SLC16A7: variants seen among roughly 807,000 people sequenced by gnomAD.
SLC16A7 encodes monocarboxylate transporter 2.
Under a neutral mutation model 34.9 loss-of-function variants are expected in SLC16A7, and 33 were observed. That is an observed-to-expected ratio of 0.94 (90% CI 0.72 to 1.26). The LOEUF is 1.26. SLC16A7 is among the 50% of genes most tolerant of loss of function. The pLI is 0.00. For synonymous variants in SLC16A7, 201 were observed against 206.6 expected (o/e 0.97, Z 0.23); for missense variants, 573 against 578.1 (o/e 0.99, Z 0.09).
At chr12:59,675,609 T>C (rs542174264) in intron 2 of SLC16A7, among the ~76,000 whole-genome samples, 3 of 152,190 alleles carry the variant, frequency 2.0e-5, no homozygotes, top group African/African-American at 7.2e-5. Context: ...AAAAGGAAAA[T>C]GTTAAAAGAG....
intron 1 of SLC16A7, among the ~76,000 whole-genome samples, chr12:59,605,192 G>A (rs1878879846): frequency 6.6e-6 from 1 of 152,132 alleles, no homozygotes; most frequent in South Asian, 2.1e-4. Flanking sequence ...GTTTGGGTCT[G>A]TTACAACATA....
Position 59,788,477 on chromosome 12 carries a change from A to G in SLC16A7, c.*8798A>G, listed in dbSNP as rs1883772986. On this transcript the variant is annotated 3_prime_UTR_variant, in exon 6 of 6. Transcript: ENST00000547379. ...ACTATGGTTACTATGATAGTGAAAT[A>G]AAGAGGATAGTTTTGCTTGACACCT... 6.6e-6 allele frequency: 1 copy of G among 152,094 alleles called. No individual in the cohort carries two copies. Among genetic ancestry groups the G allele is most frequent in the African/African-American group, 2.4e-5 (1 of 41,450 alleles). 9.4% of individuals were successfully genotyped at this position (152,094 alleles called of 1,614,324 possible).
At chr12:59,672,100 C>A (rs56312479) in intron 2 of SLC16A7, among the ~76,000 whole-genome samples, 1,758 of 1,776 alleles carry the variant, frequency 0.99, 870 homozygotes, top group East Asian at 1. Context: ...TCGCATATAT[C>A]CGTATATATA....
intron 3 of SLC16A7, among the ~76,000 whole-genome samples, chr12:59,749,214 G>A (rs1488933408): frequency 6.6e-6 from 1 of 152,184 alleles, no homozygotes; most frequent in Non-Finnish European, 1.5e-5. Context: ...TTATGATTAG[G>A]ACTGCCCTTA....
At chr12:59,695,628 A>G (rs1237298197) in intron 2 of SLC16A7, among the ~76,000 whole-genome samples, 1 of 152,042 alleles carries the variant, frequency 6.6e-6, no homozygotes, top group African/African-American at 2.4e-5. Flanking sequence ...TAGAAACGTC[A>G]TTTGACCTGG....
At chr12:59,676,604 C>A (rs1870334117) in intron 2 of SLC16A7, among the ~76,000 whole-genome samples, 1 of 151,904 alleles carries the variant, frequency 6.6e-6, no homozygotes, top group Non-Finnish European at 1.5e-5. Flanking sequence ...AAATAGAGAA[C>A]AATAAATCGC....
chr12:59,714,730 A>C (rs944037019), intron 3 of SLC16A7, among the ~76,000 whole-genome samples: 1 of 151,940 alleles, frequency 6.6e-6, no homozygotes, highest in Non-Finnish European at 1.5e-5. Context: ...ATGCCCAGCA[A>C]ATTTTTGTAT....
chr12:59,628,350 T>C (rs1668258135), intron 1 of SLC16A7, among the ~76,000 whole-genome samples: 2 of 151,884 alleles, frequency 1.3e-5, no homozygotes, highest in African/African-American at 4.8e-5. Context: ...CTCAGTTCCT[T>C]AGGGCAATCA....
At chr12:59,763,201 T>G (rs185137305) in intron 3 of SLC16A7, among the ~76,000 whole-genome samples, 1 of 152,120 alleles carries the variant, frequency 6.6e-6, no homozygotes, top group African/African-American at 2.4e-5. Flanking sequence ...TAATTTTTAG[T>G]GCTAGTTAAG....
chr12:59,678,464 G>A (rs894146909), intron 2 of SLC16A7, among the ~76,000 whole-genome samples: 2 of 152,116 alleles, frequency 1.3e-5, no homozygotes, highest in African/African-American at 4.8e-5. Context: ...ACCCTGAAAT[G>A]GGTAACTCTT....
chr12:59,677,794 T>C (rs1870428888), intron 2 of SLC16A7, among the ~76,000 whole-genome samples: 2 of 152,236 alleles, frequency 1.3e-5, no homozygotes, highest in South Asian at 4.1e-4. Flanking sequence ...GCTGTGTGCT[T>C]TTCTACCCTC....
At chr12:59,646,289 C>G (rs1293420920) in intron 1 of SLC16A7, among the ~76,000 whole-genome samples, 2 of 152,156 alleles carry the variant, frequency 1.3e-5, no homozygotes, top group Non-Finnish European at 2.9e-5. Context: ...GCCCAGGGCC[C>G]CCCTGCTGTG....
rs543501007 is a variant in SLC16A7, at chr12:59,644,336, G to C, written c.-129-10816G>C. Reference sequence around the variant, plus strand: ...AATCCCAGCAGTTTGGGAGGCTGAGGTGGGTGGATTACTTGATGTCAGGAG... The same window carrying C: ...AATCCCAGCAGTTTGGGAGGCTGAGCTGGGTGGATTACTTGATGTCAGGAG... On this transcript the variant is annotated intron_variant, in intron 1 of 5. Transcript: ENST00000547379. Among the ~76,000 whole-genome samples the C allele has an allele frequency of 3.9e-5, 6 of 152,220 alleles. No homozygotes were observed. The South Asian group carries it at 1.2e-3, about 32-fold the overall frequency.
At chr12:59,768,596 A>G (rs1376250521) in intron 3 of SLC16A7, among the ~76,000 whole-genome samples, 1 of 152,188 alleles carries the variant, frequency 6.6e-6, no homozygotes, top group Non-Finnish European at 1.5e-5. Context: ...CAGTTTAGAA[A>G]GAAGTTCTAC....
chr12:59,626,908 C>T (rs2136988451), intron 1 of SLC16A7, among the ~76,000 whole-genome samples: 1 of 151,840 alleles, frequency 6.6e-6, no homozygotes, highest in South Asian at 2.1e-4. Flanking sequence ...TGTGGGAGTT[C>T]AAAATTTAGC....
chr12:59,746,967 G>A (rs1878963848), intron 3 of SLC16A7, among the ~76,000 whole-genome samples: 1 of 152,064 alleles, frequency 6.6e-6, no homozygotes, highest in African/African-American at 2.4e-5. Context: ...CGGGTAGCTG[G>A]GACTACAGGT....
At chr12:59,755,656 A>G (rs530184783) in intron 3 of SLC16A7, among the ~76,000 whole-genome samples, 1 of 152,348 alleles carries the variant, frequency 6.6e-6, no homozygotes, top group African/African-American at 2.4e-5. Flanking sequence ...AGGAAGAATC[A>G]GTATCATGAA....
chr12:59,604,650 A>AT (rs904056037), intron 1 of SLC16A7, among the ~76,000 whole-genome samples: 2 of 152,200 alleles, frequency 1.3e-5, no homozygotes, highest in Admixed American at 6.5e-5. Flanking sequence ...ATGAGGAAGC[A>AT]TTTTTGTTAT....
At chr12:59,724,712 G>A (rs1876027257) in intron 3 of SLC16A7, among the ~76,000 whole-genome samples, 1 of 151,880 alleles carries the variant, frequency 6.6e-6, no homozygotes, top group Non-Finnish European at 1.5e-5. Flanking sequence ...ATTTTACAGA[G>A]CATGATTAAC....
Sources: allele counts gnomAD v4.1 joint callset (sites outside exome capture counted in the v4.1 genomes callset), GRCh38; gene constraint gnomAD v4.1.1; transcripts MANE v1.5; gene names NCBI Gene and HGNC (gene_info 2026-07-23, HGNC 2026-07-21).